Variants in SH3YL1 observed in about 807,000 individuals in gnomAD.
SH3YL1 encodes the protein SH3 and SYLF domain containing 1.
In SH3YL1, 41 loss-of-function variants were observed where a neutral mutation model predicts 45.8. The ratio of observed to expected loss-of-function variants is 0.89; its 90% CI spans 0.70 to 1.16. SH3YL1 has a LOEUF of 1.16. Ranked by LOEUF, SH3YL1 falls within the 50% of genes most tolerant of loss-of-function variation. The pLI is 0.00. For synonymous variants in SH3YL1, 152 were observed against 151.4 expected (o/e 1.00, Z -0.03); for missense variants, 389 against 409.6 (o/e 0.95, Z 0.43).
Position 247,520 on chromosome 2 carries a change from C to T in SH3YL1, c.291+18G>A, listed in dbSNP as rs766977501. Reference sequence around the variant, plus strand: ...TCAGAGGATATGGCAGTTGTATGGACGTGCACAAGCTACTTACCTCAATTC... The same window carrying T: ...TCAGAGGATATGGCAGTTGTATGGATGTGCACAAGCTACTTACCTCAATTC... On this transcript the variant is annotated intron_variant, in intron 4 of 9. Coordinates refer to ENST00000356150, the MANE Select transcript of SH3YL1 (RefSeq NM_015677.4). The T allele has an allele frequency of 2.2e-5, 34 of 1,547,428 alleles. No individual in the cohort carries two copies. The African/African-American group carries it at 2.6e-4, about 12-fold the overall frequency.
At chr2:241,799 T>C (rs1668558446) in intron 4 of SH3YL1, 1 of 152,062 alleles carries the variant, frequency 6.6e-6, no homozygotes, top group South Asian at 2.1e-4. Flanking sequence ...CAAAAGTATA[T>C]TTCAAAAATG....
intron 8 of SH3YL1, among the ~76,000 whole-genome samples, chr2:229,728 C>CA (rs397709071): frequency 0.32 from 29,586 of 93,146 alleles, 4,689 homozygotes; most frequent in East Asian, 0.56. Flanking sequence ...GACTCCGTCT[C>CA]AAAAAAAAAA....
At position 223,422 on chromosome 2, in the gene SH3YL1, C is replaced by T. The variant is rs1273890925; in HGVS notation, c.838+1442G>A. On this transcript the variant is annotated intron_variant, in intron 9 of 9. Transcript: ENST00000356150. ...TCTCTGTAGGGATCCCCTCCCTTCC[C>T]AAGCAAGTGCAGCCAGTCAGCTGAC... Among the ~76,000 whole-genome samples, 36 of 152,164 alleles carry T rather than the reference C, an allele frequency of 2.4e-4. 1 individual carries two copies. The highest frequency in any genetic ancestry group is 2.3e-3 in the Admixed American group (35 of 15,278).
intron 8 of SH3YL1, among the ~76,000 whole-genome samples, chr2:226,362 T>C (rs1667784017): frequency 6.6e-6 from 1 of 152,076 alleles, no homozygotes; most frequent in Non-Finnish European, 1.5e-5. Flanking sequence ...AATATCCCAA[T>C]AGGAAAAATA....
At chr2:251,464 C>T (rs1413586490) in intron 2 of SH3YL1, among the ~76,000 whole-genome samples, 3 of 152,172 alleles carry the variant, frequency 2.0e-5, no homozygotes, top group African/African-American at 7.2e-5. Context: ...CACACCCATG[C>T]TTTGGGGCAA....
At chr2:260,329 T>C (rs1173773986) in intron 1 of SH3YL1, 4 of 152,254 alleles carry the variant, frequency 2.6e-5, no homozygotes, top group Non-Finnish European at 4.4e-5. Flanking sequence ...ATCTACTTTA[T>C]TTCAGAGGCA....
In SH3YL1 at chr2:233,246, T is replaced by C. The variant is rs753995206; in HGVS notation, c.405-17A>G. The stretch of plus-strand genomic sequence containing the variant: ...TCCAAGTTCCTGCAAAGCACAAGAT[T>C]TTGCATCACAAAGCTGTGAGCAGCT... On this transcript the variant is annotated splice_polypyrimidine_tract_variant and intron_variant, in intron 5 of 9. Coordinates refer to ENST00000356150, the MANE Select transcript of SH3YL1 (RefSeq NM_015677.4). 6.5e-7 allele frequency: 1 copy of C among 1,546,330 alleles called. No homozygotes were observed.
intron 4 of SH3YL1, among the ~76,000 whole-genome samples, chr2:247,040 G>T (rs1008737530): frequency 6.6e-6 from 1 of 152,190 alleles, no homozygotes; most frequent in Admixed American, 6.5e-5. Context: ...GAGTGTGCAT[G>T]TCTGCCCGAC....
At chr2:259,271 T>C (rs927032446) in intron 1 of SH3YL1, among the ~76,000 whole-genome samples, 3 of 152,360 alleles carry the variant, frequency 2.0e-5, no homozygotes, top group African/African-American at 7.2e-5. Context: ...TCTTTTATGA[T>C]GAGCAATGCT....
chr2:233,959 T>A (rs1668169982), intron 5 of SH3YL1, among the ~76,000 whole-genome samples: 1 of 152,238 alleles, frequency 6.6e-6, no homozygotes, highest in African/African-American at 2.4e-5. Flanking sequence ...ATTTCTTGTG[T>A]GTTCTGGTTT....
chr2:257,268 G>T (rs973617403), intron 1 of SH3YL1, among the ~76,000 whole-genome samples: 6 of 152,032 alleles, frequency 3.9e-5, no homozygotes, highest in African/African-American at 1.4e-4. Context: ...TGTTTTTGTT[G>T]TAATTGCTTT....
chr2:252,383 G>T, intron 2 of SH3YL1, among the ~76,000 whole-genome samples: 1 of 152,234 alleles, frequency 6.6e-6, no homozygotes, highest in East Asian at 1.9e-4. Context: ...GCAAAGGACA[G>T]GCGAGGCTGC....
intron 4 of SH3YL1, among the ~76,000 whole-genome samples, chr2:236,596 C>T (rs1409632150): frequency 6.6e-6 from 1 of 152,170 alleles, no homozygotes; most frequent in Admixed American, 6.5e-5. Flanking sequence ...ATTTCCTTCT[C>T]TGGAAAATGG....
At chr2:263,798 A>G in intron 1 of SH3YL1, 186 bp downstream of exon 1, 1 of 495,718 alleles carries the variant, frequency 2.0e-6, no homozygotes, top group Non-Finnish European at 3.7e-6. Flanking sequence ...AACTTCAATC[A>G]AAATCGCTGT....
chr2:257,732 CAT>C (rs1212359806), intron 1 of SH3YL1, among the ~76,000 whole-genome samples: 7 of 152,206 alleles, frequency 4.6e-5, no homozygotes, highest in Non-Finnish European at 8.8e-5. Context: ...GCCCGACTTG[CAT>C]ATCATTCATT....
intron 8 of SH3YL1, among the ~76,000 whole-genome samples, chr2:229,091 C>T (rs1667917463): frequency 6.6e-6 from 1 of 152,160 alleles, no homozygotes; most frequent in South Asian, 2.1e-4. Flanking sequence ...AGTCAATCAT[C>T]ACATGAAAGT....
Position 218,840 on chromosome 2 carries a change from A to G in SH3YL1, c.1000T>C (p.Phe334Leu). The G allele has an allele frequency of 1.9e-6, 3 of 1,613,908 alleles. No individual in the cohort carries two copies. The highest frequency in any genetic ancestry group is 2.5e-6 in the Non-Finnish European group (3 of 1,179,878). Residue 334 changes from phenylalanine (F) to leucine (L), a missense_variant, in exon 10 of 10, where the codon TTT (phenylalanine) becomes CTT (leucine). Physicochemically the swap from Phe to Leu is conservative, Grantham distance 22. Coordinates refer to ENST00000356150, the MANE Select transcript of SH3YL1 (RefSeq NM_015677.4). ...EGKLRGQTGIFPANYVTMN is the reference protein window; with the variant it reads ...EGKLRGQTGILPANYVTMN Reference sequence around the variant, plus strand: ...TTCATGGTTACGTAGTTGGCTGGAAAAATGCCAGTTTGACCTCGAAGTTTT... The same window carrying G: ...TTCATGGTTACGTAGTTGGCTGGAAGAATGCCAGTTTGACCTCGAAGTTTT...
chr2:259,745 T>C (rs1669507416), intron 1 of SH3YL1: 1 of 150,848 alleles, frequency 6.6e-6, no homozygotes, highest in South Asian at 2.1e-4. Flanking sequence ...AAATGACACC[T>C]CAATTCTATG....
At chr2:227,934 ATACT>A (rs1667857080) in intron 8 of SH3YL1, among the ~76,000 whole-genome samples, 1 of 152,172 alleles carries the variant, frequency 6.6e-6, no homozygotes, top group Admixed American at 6.5e-5. Flanking sequence ...TAAATTGAAA[ATACT>A]TAGTTTTTAA....
Sources: allele counts gnomAD v4.1 joint callset (sites outside exome capture counted in the v4.1 genomes callset), GRCh38; gene constraint gnomAD v4.1.1; transcripts MANE v1.5; gene names NCBI Gene and HGNC (gene_info 2026-07-23, HGNC 2026-07-21).